SOCS5: variants seen among roughly 807,000 people sequenced by gnomAD.
SOCS5 encodes suppressor of cytokine signaling 5, also known as CIS-6.
In SOCS5, 32 loss-of-function variants were observed where a neutral mutation model predicts 42.8. The ratio of observed to expected loss-of-function variants is 0.75; its 90% confidence interval spans 0.56 to 1.01. The LOEUF (loss-of-function observed/expected upper bound fraction) is 1.01. SOCS5 is among the 50% of genes least tolerant of loss of function. SOCS5 has a pLI of 0.00. For synonymous variants in SOCS5, 283 were observed against 229.6 expected, an observed-to-expected ratio of 1.23 and a Z score of -2.10; for missense variants, 627 against 653.0, an observed-to-expected ratio of 0.96 and a Z score of 0.43.
chr2:46,707,905 C>T (rs1425734749), intron 1 of SOCS5, among the ~76,000 whole-genome samples: 1 of 152,194 alleles, frequency 6.6e-6, no homozygotes, highest in African/African-American at 2.4e-5. Flanking sequence ...GTGCTCAGAG[C>T]ACTTGCATTA....
chr2:46,714,999 T>G (rs113018129), intron 1 of SOCS5, among the ~76,000 whole-genome samples: 49 of 152,312 alleles, frequency 3.2e-4, no homozygotes, highest in African/African-American at 1.1e-3. Flanking sequence ...GTTACTTCCA[T>G]TTCTTCTTTT....
Position 46,762,444 on chromosome 2 carries a change from T to C in SOCS5, c.*2303T>C, listed in dbSNP as rs1303183760. 2 of 166,420 alleles carry C rather than the reference T, an allele frequency of 1.2e-5. No homozygotes were observed. The highest frequency in any genetic ancestry group is 2.9e-5 in the Non-Finnish European group (2 of 68,082). 10.3% of individuals were successfully genotyped at this position (166,420 alleles called of 1,614,324 possible). ...GCAAATTGATGTTCTAACTGTAGTT[T>C]TATAGAAAGTATTAATGCTTTTATG... On this transcript the variant is annotated 3_prime_UTR_variant, in exon 2 of 2. Coordinates refer to ENST00000394861, the MANE Select transcript of SOCS5 (RefSeq NM_144949.3).
At chr2:46,723,199 A>G (rs1200461827) in intron 1 of SOCS5, among the ~76,000 whole-genome samples, 1 of 151,938 alleles carries the variant, frequency 6.6e-6, no homozygotes, top group Admixed American at 6.6e-5. Flanking sequence ...TATGGGTGGT[A>G]CTTTCGGTGT....
rs943848404 is a variant in SOCS5, at chr2:46,761,921, A to G, written c.*1780A>G. 1.8e-5 allele frequency: 3 copies of G among 167,040 alleles called. No homozygotes were observed. Among genetic ancestry groups the G allele is most frequent in the Non-Finnish European group, 4.4e-5 (3 of 68,082 alleles). The allele number at this position is 167,040 out of a possible 1,614,324, so 10.3% of individuals were successfully genotyped here. On this transcript the variant is annotated 3_prime_UTR_variant, in exon 2 of 2. Transcript: ENST00000394861. ...TGCTTATAAATGAAAGATTGAAACT[A>G]TCCAATGACATATTATAGTAAATGA... is the stretch of plus-strand genomic sequence containing the variant.
At chr2:46,725,647 A>G (rs1305366428) in intron 1 of SOCS5, among the ~76,000 whole-genome samples, 1 of 151,586 alleles carries the variant, frequency 6.6e-6, no homozygotes, top group Non-Finnish European at 1.5e-5. Flanking sequence ...TCTGCTTTGA[A>G]CCCAATGGGT....
intron 1 of SOCS5, among the ~76,000 whole-genome samples, chr2:46,714,744 G>T (rs146012464): frequency 6.6e-6 from 1 of 152,252 alleles, no homozygotes; most frequent in East Asian, 1.9e-4. Context: ...ATGTAATTTT[G>T]ATATAGTTGA....
intron 1 of SOCS5, among the ~76,000 whole-genome samples, chr2:46,722,151 T>C (rs892601422): frequency 6.6e-6 from 1 of 152,140 alleles, no homozygotes; most frequent in Non-Finnish European, 1.5e-5. Flanking sequence ...TATTAAGTGT[T>C]AATAGCCTCT....
rs111458457 is a variant in SOCS5 at position 46,702,218 on chromosome 2, G to T, written c.-13+2769G>T. ...GTGGTTCGTTAGATGTAAGCAGGCA[G>T]TTGTGTGCCCATTTATTTCCTTGCT... On this transcript the variant is annotated intron_variant, in intron 1 of 1. Coordinates refer to ENST00000394861, the MANE Select transcript of SOCS5 (RefSeq NM_144949.3). Among the ~76,000 whole-genome samples the T allele has an allele frequency of 4.3e-4, 65 of 152,298 alleles. 1 individual carries two copies. The highest frequency in any genetic ancestry group is 1.5e-3 in the African/African-American group (64 of 41,562).
chr2:46,754,177 G>T (rs192713960), intron 1 of SOCS5, among the ~76,000 whole-genome samples: 1 of 152,030 alleles, frequency 6.6e-6, no homozygotes, highest in African/African-American at 2.4e-5. Flanking sequence ...TTCAGAGTAG[G>T]TCTACTAGTT....
chr2:46,754,558 T>C (rs979659635), intron 1 of SOCS5, among the ~76,000 whole-genome samples: 3 of 152,130 alleles, frequency 2.0e-5, no homozygotes, highest in Non-Finnish European at 2.9e-5. Flanking sequence ...TGCTGGGAAC[T>C]GGAAGTGTCT....
intron 1 of SOCS5, among the ~76,000 whole-genome samples, chr2:46,737,663 A>G (rs1673282969): frequency 6.6e-6 from 1 of 152,202 alleles, no homozygotes; most frequent in South Asian, 2.1e-4. Context: ...GCATTTACAT[A>G]GAATACATAT....
At chr2:46,748,538 C>T (rs111375320) in intron 1 of SOCS5, among the ~76,000 whole-genome samples, 169 of 152,112 alleles carry the variant, frequency 1.1e-3, no homozygotes, top group Non-Finnish European at 1.9e-3. Context: ...AAAAGGGGCA[C>T]GCATTGTCCT....
intron 1 of SOCS5, among the ~76,000 whole-genome samples, chr2:46,717,460 A>T (rs1270714514): frequency 6.6e-6 from 1 of 152,166 alleles, no homozygotes. Context: ...CATGACTAGA[A>T]TTCAGAAGTC....
At chr2:46,738,572 G>A (rs1193820554) in intron 1 of SOCS5, among the ~76,000 whole-genome samples, 1 of 152,206 alleles carries the variant, frequency 6.6e-6, no homozygotes, top group Non-Finnish European at 1.5e-5. Context: ...CAGACTTTTA[G>A]GCTGTTAGTG....
intron 1 of SOCS5, among the ~76,000 whole-genome samples, chr2:46,709,212 C>T (rs1193041916): frequency 2.6e-5 from 4 of 152,160 alleles, no homozygotes; most frequent in Non-Finnish European, 5.9e-5. Context: ...GCAACTAGCA[C>T]TTTGCCTCTT....
intron 1 of SOCS5, among the ~76,000 whole-genome samples, chr2:46,712,795 GT>G (rs1672656867): frequency 6.6e-6 from 1 of 152,034 alleles, no homozygotes; most frequent in South Asian, 2.1e-4. Context: ...ATGTATTGTC[GT>G]TTTTTTGTTT....
chr2:46,735,078 C>T (rs930318430), intron 1 of SOCS5, among the ~76,000 whole-genome samples: 18 of 152,168 alleles, frequency 1.2e-4, no homozygotes, highest in Non-Finnish European at 5.9e-5. Context: ...TCCTGATCCC[C>T]TGCATTAGTT....
chr2:46,742,894 G>A (rs1476654083), intron 1 of SOCS5, among the ~76,000 whole-genome samples: 2 of 152,104 alleles, frequency 1.3e-5, no homozygotes, highest in Non-Finnish European at 2.9e-5. Context: ...TAGAACTCCT[G>A]ACCTTGTGAC....
chr2:46,703,657 C>T (rs1416517814), intron 1 of SOCS5, among the ~76,000 whole-genome samples: 6 of 152,082 alleles, frequency 3.9e-5, no homozygotes, highest in Admixed American at 2.6e-4. Flanking sequence ...GATAATTATG[C>T]CATTGTGAAT....
Sources: allele counts gnomAD v4.1 joint callset (sites outside exome capture counted in the v4.1 genomes callset), GRCh38; gene constraint gnomAD v4.1.1; transcripts MANE v1.5; gene names NCBI Gene and HGNC (gene_info 2026-07-23, HGNC 2026-07-21).